ACSL6: variants seen among roughly 807,000 people sequenced by gnomAD.
ACSL6 encodes the protein long-chain-fatty-acid--CoA ligase 6.
Under a neutral mutation model 98.2 loss-of-function variants are expected in ACSL6, and 47 were observed. That is an observed-to-expected ratio of 0.48 (90% CI 0.38 to 0.61). The LOEUF (loss-of-function observed/expected upper bound fraction) is 0.61. Among genes scored for constraint, ACSL6 ranks in the 20% least tolerant of loss-of-function variants. The pLI is 0.00. For missense variants in ACSL6, 761 were observed against 913.4 expected (o/e 0.83, Z 2.15); for synonymous variants, 362 against 336.9 (o/e 1.07, Z -0.82).
chr5:131,968,220 A>G (rs1019960263), intron 15 of ACSL6, 192 bp from the exon 16 acceptor site: 16 of 548,366 alleles, frequency 2.9e-5, no homozygotes, highest in Non-Finnish European at 4.9e-5. Context: ...GCAAAGGCCA[A>G]TCTCTGCCTG....
intron 9 of ACSL6, chr5:131,984,392 T>C (rs1754059682): frequency 6.6e-6 from 1 of 152,122 alleles, no homozygotes; most frequent in Non-Finnish European, 1.5e-5. Context: ...GATGGGCCAA[T>C]CCTCAGTTTG....
intron 2 of ACSL6, among the ~76,000 whole-genome samples, chr5:131,993,553 C>T (rs957876144): frequency 3.3e-5 from 5 of 152,208 alleles, no homozygotes; most frequent in Non-Finnish European, 7.3e-5. Flanking sequence ...TCCTTCCAGG[C>T]TTAGCCTAGA....
intron 9 of ACSL6, among the ~76,000 whole-genome samples, chr5:131,980,083 C>T (rs529125699): frequency 6.6e-6 from 1 of 152,306 alleles, no homozygotes; most frequent in South Asian, 2.1e-4. Context: ...AAGGTTTCTC[C>T]TGCAGGGGTG....
chr5:131,967,487 C>A (rs996438988), intron 16 of ACSL6, among the ~76,000 whole-genome samples: 1 of 151,960 alleles, frequency 6.6e-6, no homozygotes, highest in Admixed American at 6.6e-5. Context: ...CACGGTGAAA[C>A]CCCGTCTCTA....
At chr5:132,003,903 C>A (rs964907521) in intron 1 of ACSL6, 7 of 152,138 alleles carry the variant, frequency 4.6e-5, no homozygotes, top group Admixed American at 4.6e-4. Flanking sequence ...ACAGTAGTGG[C>A]GGAATCTGGA....
At chr5:131,970,260 AC>A (rs1470756294) in intron 14 of ACSL6, 60 bp from the exon 15 acceptor site, 1 of 1,521,884 alleles carries the variant, frequency 6.6e-7, no homozygotes. Flanking sequence ...CTAACTGGCC[AC>A]CCCTTCCAGA....
chr5:131,972,097 C>T (rs1027143357), intron 13 of ACSL6, among the ~76,000 whole-genome samples: 5 of 151,834 alleles, frequency 3.3e-5, no homozygotes, highest in African/African-American at 1.2e-4. Context: ...CTGCTGAGGA[C>T]GAAGAATACT....
chr5:131,958,866 C>T (rs1163509460), intron 20 of ACSL6, among the ~76,000 whole-genome samples: 2 of 151,834 alleles, frequency 1.3e-5, no homozygotes, highest in African/African-American at 4.8e-5. Context: ...TTATGAAAAA[C>T]AATTATTTTA....
At position 131,954,228 on chromosome 5, in the gene ACSL6, T is replaced by A; in HGVS notation, c.*6A>T. 2 of 1,609,208 alleles carry A rather than the reference T, an allele frequency of 1.2e-6. No individual in the cohort carries two copies. The highest frequency in any genetic ancestry group is 1.7e-6 in the Non-Finnish European group (2 of 1,178,614). ...TCATTACACTGAGAAGAACTTTCCT[T>A]GAACTTCACATGGAGATTGAGTAAA... On this transcript the variant is annotated 3_prime_UTR_variant, in exon 21 of 21. Coordinates refer to ENST00000651883, the MANE Select transcript of ACSL6 (RefSeq NM_001009185.3).
At chr5:131,993,784 C>A (rs1173617901) in intron 2 of ACSL6, 9 of 513,684 alleles carry the variant, frequency 1.8e-5, no homozygotes, top group African/African-American at 1.7e-4. Context: ...GAGAAGCAGG[C>A]AAACTAGAGG....
intron 1 of ACSL6, among the ~76,000 whole-genome samples, chr5:131,996,728 T>A (rs760431371): frequency 2.8e-4 from 43 of 152,354 alleles, no homozygotes; most frequent in East Asian, 5.8e-4. Context: ...AAGTCATCCA[T>A]CTGTCTTTCA....
chr5:131,963,846 C>T (rs990734880), intron 17 of ACSL6, among the ~76,000 whole-genome samples: 3 of 152,134 alleles, frequency 2.0e-5, no homozygotes, highest in Non-Finnish European at 4.4e-5. Flanking sequence ...CTTTCCCTAC[C>T]CCAGCTTATT....
At chr5:131,995,347 G>A (rs1754742807) in intron 1 of ACSL6, among the ~76,000 whole-genome samples, 1 of 152,206 alleles carries the variant, frequency 6.6e-6, no homozygotes, top group African/African-American at 2.4e-5. Flanking sequence ...TTGGAACTGA[G>A]GAAAGTATCA....
rs1755350138 is a variant in ACSL6, at chr5:132,005,424, C to T, written c.49+6081G>A. ...TCCATACTGACAATTGTCTTCCTCT[C>T]ACTGGCCTAAAGGCCTTAAGGCCTT... is the stretch of plus-strand genomic sequence containing the variant. On this transcript the variant is annotated intron_variant, in intron 1 of 20. Coordinates refer to ENST00000651883, the MANE Select transcript of ACSL6 (RefSeq NM_001009185.3). Among the ~76,000 whole-genome samples the T allele has an allele frequency of 2.6e-5, 4 of 152,376 alleles. No individual in the cohort carries two copies. In the South Asian group the frequency reaches 8.3e-4, roughly 32 times the overall value.
chr5:131,975,424 C>G (rs1306118153), intron 10 of ACSL6: 1 of 985,328 alleles, frequency 1.0e-6, no homozygotes, highest in Non-Finnish European at 1.2e-6. Context: ...TCTCCAGGAT[C>G]CCTGGGCTAC....
chr5:131,985,596 GCTC>G, intron 8 of ACSL6, 138 bp from the exon 9 acceptor site: 1 of 818,864 alleles, frequency 1.2e-6, no homozygotes, highest in Non-Finnish European at 2.0e-6. Context: ...ACGCCTGCAT[GCTC>G]CTGTGTGCTG....
At chr5:131,986,985 A>C (rs143313633) in intron 7 of ACSL6, 131 bp from the exon 8 acceptor site, 48 of 76,792 alleles carry the variant, frequency 6.3e-4, no homozygotes, top group Non-Finnish European at 2.1e-3. Flanking sequence ...ACACACTCAC[A>C]CACACACACA....
At chr5:131,964,918 G>A (rs1352450938) in intron 17 of ACSL6, among the ~76,000 whole-genome samples, 3 of 152,204 alleles carry the variant, frequency 2.0e-5, no homozygotes, top group African/African-American at 7.2e-5. Flanking sequence ...TGCAGTAGGT[G>A]CCTGTCCTCC....
At chr5:131,997,791 G>A (rs1754868058) in intron 1 of ACSL6, among the ~76,000 whole-genome samples, 1 of 152,202 alleles carries the variant, frequency 6.6e-6, no homozygotes, top group Non-Finnish European at 1.5e-5. Context: ...CTGACCTTGA[G>A]GCTGGGCCTG....
Sources: allele counts gnomAD v4.1 joint callset (sites outside exome capture counted in the v4.1 genomes callset), GRCh38; gene constraint gnomAD v4.1.1; transcripts MANE v1.5; gene names NCBI Gene and HGNC (gene_info 2026-07-23, HGNC 2026-07-21).